Variants in CORIN observed in about 807,000 individuals in gnomAD.
CORIN encodes the protein atrial natriuretic peptide-converting enzyme.
In CORIN, 117 loss-of-function variants were observed where a neutral mutation model predicts 125.3. The ratio of observed to expected loss-of-function variants is 0.93; its 90% CI spans 0.80 to 1.09. The LOEUF is 1.09. Ranked by LOEUF, CORIN falls within the 50% of genes least tolerant of loss-of-function variation. The pLI is 0.00. For missense variants in CORIN, 1,253 were observed against 1,306.7 expected, an observed-to-expected ratio of 0.96 and a Z score of 0.63; for synonymous variants, 450 against 466.4, an observed-to-expected ratio of 0.96 and a Z score of 0.45.
intron 1 of CORIN, among the ~76,000 whole-genome samples, 179 bp from the exon 2 acceptor site, chr4:47,807,226 ATC>A (rs1731837497): frequency 1.3e-5 from 2 of 152,272 alleles, no homozygotes; most frequent in South Asian, 4.1e-4. Context: ...ATAACTGTAC[ATC>A]TACATTCAGG....
At chr4:47,644,037 AG>A (rs1029196159) in intron 14 of CORIN, among the ~76,000 whole-genome samples, 1 of 152,240 alleles carries the variant, frequency 6.6e-6, no homozygotes, top group African/African-American at 2.4e-5. Context: ...AGCCTGGGAC[AG>A]GAACAACCTG....
chr4:47,677,867 A>G, intron 9 of CORIN, 71 bp downstream of exon 9: 5 of 1,111,122 alleles, frequency 4.5e-6, no homozygotes, highest in Non-Finnish European at 6.9e-6. Context: ...AGCAACTTCA[A>G]ATGTGTTCCT....
intron 16 of CORIN, among the ~76,000 whole-genome samples, chr4:47,629,563 C>CAATT (rs1318399976): frequency 6.6e-6 from 1 of 152,054 alleles, no homozygotes; most frequent in Non-Finnish European, 1.5e-5. Flanking sequence ...ATCATATCAA[C>CAATT]AATTATAAAA....
chr4:47,734,490 T>C (rs1026127015), intron 5 of CORIN, among the ~76,000 whole-genome samples: 24 of 152,354 alleles, frequency 1.6e-4, no homozygotes, highest in Non-Finnish European at 3.2e-4. Context: ...TTGACTTCAC[T>C]CTATTCCATT....
chr4:47,746,117 G>C (rs1263284408), intron 4 of CORIN, among the ~76,000 whole-genome samples: 2 of 152,220 alleles, frequency 1.3e-5, no homozygotes, highest in Admixed American at 1.3e-4. Context: ...CTGGGACTAA[G>C]AAAGGATCAC....
chr4:47,731,404 G>A (rs1283830452), intron 5 of CORIN, among the ~76,000 whole-genome samples: 3 of 152,138 alleles, frequency 2.0e-5, no homozygotes, highest in Non-Finnish European at 4.4e-5. Context: ...TTAAAGCCAT[G>A]AGCCTGAATT....
chr4:47,620,576 T>A (rs1033153516), intron 19 of CORIN, among the ~76,000 whole-genome samples: 4 of 152,174 alleles, frequency 2.6e-5, no homozygotes, highest in Admixed American at 2.0e-4. Context: ...GGGGTTACCT[T>A]AAGGATGATC....
chr4:47,687,912 C>T (rs77200320), intron 6 of CORIN, among the ~76,000 whole-genome samples: 1,584 of 152,248 alleles, frequency 0.01, 32 homozygotes, highest in African/African-American at 0.037. Flanking sequence ...GGTTTCTCAA[C>T]GGCAGTATCA....
intron 2 of CORIN, among the ~76,000 whole-genome samples, chr4:47,805,209 T>C (rs1441262626): frequency 6.6e-6 from 1 of 151,328 alleles, no homozygotes; most frequent in Non-Finnish European, 1.5e-5. Context: ...TAGAGTATAA[T>C]TGGATTATTG....
chr4:47,780,179 A>G, intron 3 of CORIN, among the ~76,000 whole-genome samples: 1 of 152,066 alleles, frequency 6.6e-6, no homozygotes, highest in East Asian at 1.9e-4. Flanking sequence ...TAAAAAAAAA[A>G]AAGTAATAAA....
chr4:47,645,159 TG>T lies in CORIN; in HGVS notation c.1878del (p.Asn627IlefsTer5), dbSNP rs1560486685. 6.2e-7 allele frequency: 1 copy of T among 1,611,780 alleles called. No individual in the cohort carries two copies. The highest frequency in any genetic ancestry group is 2.2e-5 in the East Asian group (1 of 44,830). On this transcript the variant is annotated frameshift_variant, in exon 14 of 22. Coordinates refer to ENST00000273857, the MANE Select transcript of CORIN (RefSeq NM_006587.4). LOFTEE classifies it high-confidence loss of function. ...ACTGTGTGCTTCAAACATTGTTTAT[TG>T]GATGGACATTCCCAAAGATCTCTCT... ...CKERDLWECP[S>X]NKQCLKHTVI...
chr4:47,681,268 G>A (rs1725266676), intron 7 of CORIN: 1 of 152,244 alleles, frequency 6.6e-6, no homozygotes, highest in Non-Finnish European at 1.5e-5. Context: ...GGAGGACATA[G>A]GTTTGAGAAA....
chr4:47,765,198 G>A (rs1440292463), intron 3 of CORIN, among the ~76,000 whole-genome samples: 1 of 151,722 alleles, frequency 6.6e-6, no homozygotes, highest in African/African-American at 2.4e-5. Context: ...TGGGGGGCGT[G>A]GTGGCGGGAG....
intron 3 of CORIN, among the ~76,000 whole-genome samples, chr4:47,772,269 A>G (rs2109888787): frequency 6.6e-6 from 1 of 152,356 alleles, no homozygotes; most frequent in Non-Finnish European, 1.5e-5. Context: ...GTGAGGGGTC[A>G]AGGTAGAGAA....
intron 5 of CORIN, among the ~76,000 whole-genome samples, chr4:47,740,288 A>T (rs1478818949): frequency 6.6e-6 from 1 of 151,926 alleles, no homozygotes; most frequent in Non-Finnish European, 1.5e-5. Context: ...GATGTCTATT[A>T]GATCTCATTG....
intron 4 of CORIN, among the ~76,000 whole-genome samples, chr4:47,755,473 C>T (rs1036211727): frequency 6.6e-6 from 1 of 152,106 alleles, no homozygotes; most frequent in Non-Finnish European, 1.5e-5. Context: ...TCTTTCTGTT[C>T]TTTATATAAA....
chr4:47,837,652 AG>A (rs1187001869), intron 1 of CORIN: 9 of 628,464 alleles, frequency 1.4e-5, no homozygotes, highest in Non-Finnish European at 2.5e-5. Context: ...TGACCCTGGG[AG>A]GGTCTCGGAC....
chr4:47,675,948 G>T (rs1724998031), intron 9 of CORIN, among the ~76,000 whole-genome samples: 1 of 152,126 alleles, frequency 6.6e-6, no homozygotes, highest in African/African-American at 2.4e-5. Context: ...TCCAAGTCAT[G>T]GTAAGAGGAA....
intron 1 of CORIN, among the ~76,000 whole-genome samples, chr4:47,825,448 G>A (rs184966465): frequency 6.6e-6 from 1 of 152,176 alleles, no homozygotes; most frequent in Admixed American, 6.5e-5. Context: ...ACTGACAATG[G>A]GACCCAGCGA....
Sources: gnomAD v4.1 joint callset for allele counts (sites outside exome capture counted in the v4.1 genomes callset) on GRCh38, gnomAD v4.1.1 for gene constraint, MANE v1.5 for transcripts, NCBI Gene and HGNC (gene_info 2026-07-23, HGNC 2026-07-21) for gene names.